GALNT10: variants seen among roughly 807,000 people sequenced by gnomAD.
GALNT10 encodes the protein polypeptide N-acetylgalactosaminyltransferase 10, also known as GalNAc transferase 10.
In GALNT10, 41 loss-of-function variants were observed where a neutral mutation model predicts 75.0. The observed-to-expected ratio is 0.55, with a 90% confidence interval of 0.43 to 0.71. The LOEUF (loss-of-function observed/expected upper bound fraction) is 0.71, where lower values mean the gene tolerates loss of function less well. Among genes scored for constraint, GALNT10 ranks in the 30% least tolerant of loss-of-function variants. The pLI, the probability that GALNT10 is intolerant of heterozygous loss-of-function variation, is 0.00. For synonymous variants in GALNT10, 302 were observed against 313.0 expected, an observed-to-expected ratio of 0.96 and a Z score of 0.37; for missense variants, 727 against 818.5, an observed-to-expected ratio of 0.89 and a Z score of 1.36.
chr5:154,279,793 G>T (rs1754012294), intron 1 of GALNT10, among the ~76,000 whole-genome samples: 1 of 151,924 alleles, frequency 6.6e-6, no homozygotes, highest in Admixed American at 6.6e-5. Context: ...TCACTGTGTT[G>T]CCCAGGCTGG....
intron 1 of GALNT10, among the ~76,000 whole-genome samples, chr5:154,263,730 G>A (rs918860939): frequency 6.6e-6 from 1 of 152,056 alleles, no homozygotes; most frequent in Non-Finnish European, 1.5e-5. Context: ...AATCTCTCTA[G>A]GGTCTTATTT....
intron 1 of GALNT10, among the ~76,000 whole-genome samples, chr5:154,268,440 A>G (rs528989741): frequency 6.6e-6 from 1 of 152,290 alleles, no homozygotes; most frequent in East Asian, 1.9e-4. Context: ...TCAGGCTCTC[A>G]CCCAGACTAA....
At chr5:154,396,766 A>T (rs1162450577) in intron 7 of GALNT10, among the ~76,000 whole-genome samples, 2 of 152,178 alleles carry the variant, frequency 1.3e-5, no homozygotes, top group Admixed American at 1.3e-4. Flanking sequence ...ACACTTAAGG[A>T]TATTGTTGAG....
chr5:154,264,883 G>C (rs1460835840), intron 1 of GALNT10, among the ~76,000 whole-genome samples: 1 of 152,128 alleles, frequency 6.6e-6, no homozygotes, highest in Non-Finnish European at 1.5e-5. Flanking sequence ...GCCCAATACT[G>C]TGGGCTCTTC....
intron 1 of GALNT10, among the ~76,000 whole-genome samples, chr5:154,294,522 C>G (rs1212942924): frequency 6.6e-6 from 1 of 152,198 alleles, no homozygotes; most frequent in Non-Finnish European, 1.5e-5. Context: ...TGTTGGGTAG[C>G]ACCACACTGC....
intron 2 of GALNT10, among the ~76,000 whole-genome samples, chr5:154,295,410 G>C (rs1469473155): frequency 1.3e-5 from 2 of 148,694 alleles, no homozygotes; most frequent in East Asian, 3.9e-4. Context: ...GTGGCGCTAA[G>C]AGGGGTGGTA....
chr5:154,244,756 A>C (rs138575825), intron 1 of GALNT10, among the ~76,000 whole-genome samples: 217 of 152,356 alleles, frequency 1.4e-3, no homozygotes, highest in African/African-American at 5.2e-3. Context: ...CAGCCACTTC[A>C]GCCTGGAACC....
chr5:154,229,127 T>C (rs561956333), intron 1 of GALNT10, among the ~76,000 whole-genome samples: 2 of 152,346 alleles, frequency 1.3e-5, no homozygotes, highest in Admixed American at 1.3e-4. Context: ...TTTCCATTTC[T>C]TTTGGTAAGC....
At chr5:154,329,344 G>T in intron 3 of GALNT10, 1 of 509,224 alleles carries the variant, frequency 2.0e-6, no homozygotes, top group Non-Finnish European at 3.5e-6. Flanking sequence ...TCAAACTCAG[G>T]GAGGTCTTTT....
At chr5:154,407,549 G>A (rs1172875093) in intron 8 of GALNT10, among the ~76,000 whole-genome samples, 2 of 152,132 alleles carry the variant, frequency 1.3e-5, no homozygotes, top group East Asian at 3.8e-4. Flanking sequence ...TCTGGCCATG[G>A]TCAGAGTGTC....
intron 1 of GALNT10, among the ~76,000 whole-genome samples, chr5:154,276,015 G>A (rs1753946460): frequency 6.6e-6 from 1 of 152,200 alleles, no homozygotes; most frequent in Non-Finnish European, 1.5e-5. Context: ...ATACTATTGA[G>A]AAGTATATCA....
rs75579713 is a variant in GALNT10 at position 154,373,867 on chromosome 5, C to T, written c.569-2410C>T. Among the ~76,000 whole-genome samples, 47 of 152,160 alleles carry T rather than the reference C, an allele frequency of 3.1e-4. No homozygotes were observed. The East Asian group carries it at 7.8e-3, about 25-fold the overall frequency. On this transcript the variant is annotated intron_variant, in intron 4 of 11. Transcript: ENST00000297107. ...TGTAATGACTGTGGCCATCTGCATT[C>T]GGGGTGATTTAGCGATGGGGCTTTG...
chr5:154,392,731 G>C (rs1258720044), intron 7 of GALNT10: 1 of 152,176 alleles, frequency 6.6e-6, no homozygotes, highest in Non-Finnish European at 1.5e-5. Flanking sequence ...TGAGATACGG[G>C]AGACAGAAAG....
At chr5:154,338,049 G>A in intron 4 of GALNT10, 1 of 1,366,056 alleles carries the variant, frequency 7.3e-7, no homozygotes, top group Non-Finnish European at 1.0e-6. Flanking sequence ...TTTCCATACT[G>A]TTCAAAATAA....
chr5:154,280,142 G>A (rs1397864060), intron 1 of GALNT10, among the ~76,000 whole-genome samples: 1 of 152,136 alleles, frequency 6.6e-6, no homozygotes, highest in African/African-American at 2.4e-5. Flanking sequence ...TTATGTTAAG[G>A]GAAATAAACC....
chr5:154,217,835 AG>A (rs1408232965), intron 1 of GALNT10, among the ~76,000 whole-genome samples: 3 of 152,220 alleles, frequency 2.0e-5, no homozygotes, highest in African/African-American at 7.2e-5. Context: ...CTGTATGGAG[AG>A]GGCTTGTGCC....
chr5:154,342,067 A>T (rs1418088330), intron 4 of GALNT10, among the ~76,000 whole-genome samples: 1 of 152,192 alleles, frequency 6.6e-6, no homozygotes, highest in Non-Finnish European at 1.5e-5. Flanking sequence ...GGCCGGGCAC[A>T]TGGTCATCAT....
chr5:154,215,968 G>C (rs1325195111), intron 1 of GALNT10, among the ~76,000 whole-genome samples: 5 of 152,186 alleles, frequency 3.3e-5, no homozygotes, highest in Non-Finnish European at 7.3e-5. Flanking sequence ...TGAAAAGGTA[G>C]AGTTTGTGGC....
intron 1 of GALNT10, among the ~76,000 whole-genome samples, chr5:154,211,040 T>G (rs1775188540): frequency 6.6e-6 from 1 of 152,254 alleles, no homozygotes; most frequent in East Asian, 1.9e-4. Context: ...CAGGATCCTC[T>G]GTACCAGCCT....
Sources: gnomAD v4.1 joint callset for allele counts (sites outside exome capture counted in the v4.1 genomes callset) on GRCh38, gnomAD v4.1.1 for gene constraint, MANE v1.5 for transcripts, NCBI Gene and HGNC (gene_info 2026-07-23, HGNC 2026-07-21) for gene names.